Variants in USP31 observed in about 807,000 individuals in gnomAD.
USP31 encodes ubiquitin carboxyl-terminal hydrolase 31.
In USP31, 44 loss-of-function variants were observed where a neutral mutation model predicts 119.4. That is an observed-to-expected ratio of 0.37 (90% CI 0.29 to 0.47). The LOEUF is 0.47. Ranked by LOEUF, USP31 falls within the 20% of genes least tolerant of loss-of-function variation. The probability of loss-of-function intolerance (pLI) is 0.99; values close to 1 mark genes in which losing one functional copy is unlikely to be tolerated. For missense variants in USP31, 1,643 were observed against 1,730.2 expected, an observed-to-expected ratio of 0.95 and a Z score of 0.89; for synonymous variants, 749 against 705.6, an observed-to-expected ratio of 1.06 and a Z score of -0.97.
In USP31 at chr16:23,068,849, G is replaced by A. The variant is rs375149361; in HGVS notation, c.3256C>T (p.Arg1086Trp). 231 of 1,571,794 alleles carry A rather than the reference G, an allele frequency of 1.5e-4. 2 individuals carry two copies. Among genetic ancestry groups the A allele is most frequent in the South Asian group, 1.3e-3 (106 of 82,150 alleles). The change falls in exon 16 of 16, where the codon CGG (arginine) becomes TGG (tryptophan). Residue 1086 changes from arginine (R) to tryptophan (W), a missense_variant. Transcript: ENST00000219689. ...KADSSSRGSGRHSSPAPAQPK... is the reference protein window; with the variant it reads ...KADSSSRGSGWHSSPAPAQPK... ...TGGGCAGGGGCAGGGGATGAATGCC[G>A]TCCACTGCCCCTGGAAGAAGAATCT...
At position 23,117,763 on chromosome 16, in the gene USP31, G is replaced by T. The variant is rs371944405; in HGVS notation, c.634-9580C>A. On this transcript the variant is annotated intron_variant, in intron 1 of 15. Coordinates refer to ENST00000219689, the MANE Select transcript of USP31 (RefSeq NM_020718.4). The stretch of plus-strand genomic sequence containing the variant: ...TTTTTTTCCTTTTCTTTTTTTTTTT[G>T]TTGTTGTTGTTGTTCAGATGGAGTC... Among the ~76,000 whole-genome samples the T allele has an allele frequency of 7.0e-3, 639 of 91,096 alleles. 5 individuals are homozygous for T. The highest frequency in any genetic ancestry group is 0.016 in the African/African-American group (452 of 28,522). 59.8% of individuals were successfully genotyped at this position (91,096 alleles called of 152,430 possible).
rs752159441 is a variant in USP31, at chr16:23,069,218, C to A, written c.2887G>T (p.Val963Leu). ...SDTRRLNSSVVDTQSKHSAQG... is the reference protein window; with the variant it reads ...SDTRRLNSSVLDTQSKHSAQG... Reference sequence around the variant, plus strand: ...GCTGAATGTTTGCTCTGTGTATCTACGACACTGGAGTTCAATCTGCGGGTG... The same window carrying A: ...GCTGAATGTTTGCTCTGTGTATCTAAGACACTGGAGTTCAATCTGCGGGTG... The change falls in exon 16 of 16, where the codon GTA (valine) becomes TTA (leucine). Residue 963 changes from valine (V) to leucine (L), a missense_variant. Transcript: ENST00000219689. 6.2e-7 allele frequency: 1 copy of A among 1,614,082 alleles called. No homozygotes were observed. The highest frequency in any genetic ancestry group is 1.3e-5 in the African/African-American group (1 of 74,924).
chr16:23,107,391 TAG>T (rs1225789256), intron 2 of USP31, among the ~76,000 whole-genome samples: 1 of 152,136 alleles, frequency 6.6e-6, no homozygotes, highest in Non-Finnish European at 1.5e-5. Flanking sequence ...TATGACAGAA[TAG>T]AGTGTTCAGG....
At chr16:23,137,700 T>C (rs1903234791) in intron 1 of USP31, among the ~76,000 whole-genome samples, 1 of 152,026 alleles carries the variant, frequency 6.6e-6, no homozygotes, top group South Asian at 2.1e-4. Flanking sequence ...ACGTTTTTGA[T>C]GTTCTAAGTA....
chr16:23,072,650 G>A (rs2141830057), intron 14 of USP31: 1 of 418,426 alleles, frequency 2.4e-6, no homozygotes, highest in East Asian at 3.7e-5. Flanking sequence ...AAGGAAATTT[G>A]TCACCATTTT....
chr16:23,134,674 TAAA>T (rs371982166), intron 1 of USP31, among the ~76,000 whole-genome samples: 6 of 86,850 alleles, frequency 6.9e-5, no homozygotes, highest in African/African-American at 9.8e-5. Context: ...GAAACAAAGC[TAAA>T]AAAAAAAAAA....
In USP31 at chr16:23,069,445, G is replaced by A. The variant is rs138556206; in HGVS notation, c.2660C>T (p.Ser887Leu). 3.7e-5 allele frequency: 60 copies of A among 1,614,034 alleles called. No homozygotes were observed. In the African/African-American group the frequency reaches 4.5e-4, roughly 12 times the overall value. ...SNSPSRFSGDSPIHSSASTLE... is the reference protein window; with the variant it reads ...SNSPSRFSGDLPIHSSASTLE... ...GGTGGAAGCAGAGCTGTGAATTGGC[G>A]AATCCCCTGAAAATCGGGATGGAGA... The change falls in exon 16 of 16, where the codon TCG becomes TTG. Residue 887 changes from serine to leucine, a missense_variant. Physicochemically the swap from Ser to Leu is moderately radical, Grantham distance 145. Transcript: ENST00000219689.
intron 1 of USP31, among the ~76,000 whole-genome samples, chr16:23,122,141 T>G (rs1666232879): frequency 6.6e-6 from 1 of 152,234 alleles, no homozygotes; most frequent in Admixed American, 6.5e-5. Flanking sequence ...ATATTTTCCA[T>G]GTTTTCTACA....
intron 1 of USP31, 127 bp from the exon 2 acceptor site, chr16:23,108,310 G>A (rs1006742859): frequency 1.5e-6 from 2 of 1,319,052 alleles, no homozygotes; most frequent in Non-Finnish European, 1.0e-6. Flanking sequence ...CAGAAGGAGT[G>A]CAAAGTAAAA....
At chr16:23,127,863 T>C (rs144246848) in intron 1 of USP31, among the ~76,000 whole-genome samples, 3 of 152,306 alleles carry the variant, frequency 2.0e-5, no homozygotes, top group East Asian at 3.9e-4. Flanking sequence ...CAGTAATTTG[T>C]ACCATACGGT....
rs143638729 is a variant in USP31 at position 23,113,686 on chromosome 16, T to A, written c.634-5503A>T. Among the ~76,000 whole-genome samples the A allele has an allele frequency of 2.3e-3, 346 of 152,292 alleles. 3 individuals carry two copies. The highest frequency in any genetic ancestry group is 7.7e-3 in the African/African-American group (320 of 41,558). On this transcript the variant is annotated intron_variant, in intron 1 of 15. Coordinates refer to ENST00000219689, the MANE Select transcript of USP31 (RefSeq NM_020718.4). ...AATGACTGCCAGAGATCATTCTTCA[T>A]CACCAAGGAGCTCAGTTATAACAGA... is the stretch of plus-strand genomic sequence containing the variant.
intron 2 of USP31, among the ~76,000 whole-genome samples, chr16:23,106,718 C>T (rs1443521556): frequency 6.6e-6 from 1 of 152,154 alleles, no homozygotes; most frequent in East Asian, 1.9e-4. Context: ...GCACAGCACT[C>T]AGCCGGGCAG....
In USP31 at chr16:23,113,541, G is replaced by A. The variant is rs549428602; in HGVS notation, c.634-5358C>T. On this transcript the variant is annotated intron_variant, in intron 1 of 15. Transcript: ENST00000219689. ...ATGAAAACTACCGCAGAAAAGGCAA[G>A]TCAGGCAGGCTCTGAGGCAGATCCT... is the stretch of plus-strand genomic sequence containing the variant. Among the ~76,000 whole-genome samples, 8 of 152,314 alleles carry A rather than the reference G, an allele frequency of 5.3e-5. No homozygotes were observed. In the South Asian group the frequency reaches 1.0e-3, roughly 20 times the overall value.
At chr16:23,092,605 A>AT (rs1253574112) in intron 6 of USP31, among the ~76,000 whole-genome samples, 1 of 152,216 alleles carries the variant, frequency 6.6e-6, no homozygotes, top group Non-Finnish European at 1.5e-5. Context: ...TAATTTAGGT[A>AT]TTTTTTACTG....
intron 1 of USP31, among the ~76,000 whole-genome samples, chr16:23,113,619 A>G (rs910763978): frequency 5.9e-5 from 9 of 152,192 alleles, no homozygotes; most frequent in African/African-American, 2.2e-4. Context: ...ATGAAGCAGA[A>G]TATTTATCAG....
At chr16:23,094,129 G>A (rs537983642) in intron 6 of USP31, among the ~76,000 whole-genome samples, 2 of 152,270 alleles carry the variant, frequency 1.3e-5, no homozygotes, top group East Asian at 3.9e-4. Flanking sequence ...TGGAAAAACA[G>A]GACACTTCTG....
At position 23,073,734 on chromosome 16, in the gene USP31, T is replaced by G; in HGVS notation, c.2323A>C (p.Ser775Arg). The change falls in exon 14 of 16, where the codon AGC becomes CGC. Residue 775 changes from serine (S) to arginine (R), a missense_variant. Physicochemically the swap from Ser to Arg is moderately radical, Grantham distance 110. Coordinates refer to ENST00000219689, the MANE Select transcript of USP31 (RefSeq NM_020718.4). ...GAGTGGACCTCACCTGCCACCGAGC[T>G]GTTGGCTGACCATGACGGGATGGCT... is the stretch of plus-strand genomic sequence containing the variant. ...RTAIPSWSANSSVAGSTSSSL... is the reference protein window; with the variant it reads ...RTAIPSWSANRSVAGSTSSSL... 2 of 1,612,308 alleles carry G rather than the reference T, an allele frequency of 1.2e-6. No individual in the cohort carries two copies. The highest frequency in any genetic ancestry group is 1.7e-6 in the Non-Finnish European group (2 of 1,179,458).
At chr16:23,077,908 T>C (rs1370347617) in intron 13 of USP31, among the ~76,000 whole-genome samples, 1 of 152,136 alleles carries the variant, frequency 6.6e-6, no homozygotes, top group African/African-American at 2.4e-5. Flanking sequence ...CATAAAGATA[T>C]TCAACAATGT....
At position 23,068,401 on chromosome 16, in the gene USP31, T is replaced by C. The variant is rs1900181893; in HGVS notation, c.3704A>G (p.Gln1235Arg). Residue 1235 changes from glutamine (Q) to arginine (R), a missense_variant, in exon 16 of 16, where the codon CAG (glutamine) becomes CGG (arginine). Gln to Arg is a conservative substitution (Grantham distance 43). This residue lies in a region of USP31 where 699 missense variants were observed against 650.9 expected (regional missense o/e 1.07). Coordinates refer to ENST00000219689, the MANE Select transcript of USP31 (RefSeq NM_020718.4). ...GLSFFKSALR[Q>R]KETRRSTDLG... ...ATCCGTCGAGCGCCGGGTTTCCTTC[T>C]GTCTCAAGGCTGATTTGAAGAAGGA... 6.2e-7 allele frequency: 1 copy of C among 1,613,954 alleles called. No homozygotes were observed. The highest frequency in any genetic ancestry group is 1.1e-5 in the South Asian group (1 of 91,082).
Sources: allele counts gnomAD v4.1 joint callset (sites outside exome capture counted in the v4.1 genomes callset), GRCh38; gene constraint gnomAD v4.1.1; regional missense constraint gnomAD v4.1.1; transcripts MANE v1.5; gene names NCBI Gene and HGNC (gene_info 2026-07-23, HGNC 2026-07-21).